Variants in PLXNA4 observed in about 807,000 individuals in gnomAD.
The protein encoded by PLXNA4 is plexin-A4.
A neutral mutation model predicts 191.8 loss-of-function variants in PLXNA4; 44 were observed. That is an observed-to-expected ratio of 0.23 (90% confidence interval 0.18 to 0.29). The LOEUF is 0.29. Ranked by LOEUF, PLXNA4 falls within the 10% of genes least tolerant of loss-of-function variation. The pLI is 1.00. For missense variants in PLXNA4, 1,800 were observed against 2,488.8 expected, an observed-to-expected ratio of 0.72 and a Z score of 5.89; for synonymous variants, 1,082 against 1,009.5, an observed-to-expected ratio of 1.07 and a Z score of -1.36.
At chr7:132,274,667 T>C (rs1185803981) in intron 4 of PLXNA4, among the ~76,000 whole-genome samples, 1 of 152,118 alleles carries the variant, frequency 6.6e-6, no homozygotes, top group East Asian at 1.9e-4. Flanking sequence ...AGAATGTCTG[T>C]CAATTTGGGA....
chr7:132,263,936 G>A (rs114425817), intron 4 of PLXNA4, among the ~76,000 whole-genome samples: 140 of 152,232 alleles, frequency 9.2e-4, no homozygotes, highest in African/African-American at 3.0e-3. Context: ...TTTAGAGTTC[G>A]CCTGTATCAA....
chr7:132,625,006 G>A (rs1207945712), intron 2 of PLXNA4, among the ~76,000 whole-genome samples: 1 of 152,180 alleles, frequency 6.6e-6, no homozygotes, highest in Non-Finnish European at 1.5e-5. Context: ...GGCCAATGCT[G>A]TGAATGCATT....
chr7:132,474,335 A>G (rs1585189012), intron 3 of PLXNA4, among the ~76,000 whole-genome samples: 4 of 152,010 alleles, frequency 2.6e-5, no homozygotes, highest in Admixed American at 1.3e-4. Flanking sequence ...TTTATCCTGT[A>G]GAGGCAACGT....
Position 132,149,549 on chromosome 7 carries a change from A to G in PLXNA4, c.4661-903T>C, listed in dbSNP as rs143415292. ...CATGTATGAGCTCACGCATCCACACATACCATTCTCATGGACATATACCAG... is the reference window on the plus strand; with the variant it reads ...CATGTATGAGCTCACGCATCCACACGTACCATTCTCATGGACATATACCAG... On this transcript the variant is annotated intron_variant, in intron 25 of 31. Transcript: ENST00000321063. Among the ~76,000 whole-genome samples the G allele has an allele frequency of 5.4e-3, 821 of 152,324 alleles. 7 individuals are homozygous for G. Among genetic ancestry groups the G allele is most frequent in the Middle Eastern group, 0.017 (5 of 294 alleles).
chr7:132,442,094 C>T (rs1795719893), intron 3 of PLXNA4, among the ~76,000 whole-genome samples: 1 of 152,174 alleles, frequency 6.6e-6, no homozygotes, highest in Non-Finnish European at 1.5e-5. Flanking sequence ...GGGAGGAGCC[C>T]CAAGCCCTTA....
intron 3 of PLXNA4, among the ~76,000 whole-genome samples, chr7:132,473,028 C>T (rs906709175): frequency 4.6e-5 from 7 of 152,168 alleles, no homozygotes; most frequent in Admixed American, 6.5e-5. Flanking sequence ...CAGGATGTTA[C>T]GTGGCAGAGT....
chr7:132,631,180 T>A (rs1205646026), intron 2 of PLXNA4, among the ~76,000 whole-genome samples: 1 of 152,258 alleles, frequency 6.6e-6, no homozygotes, highest in Non-Finnish European at 1.5e-5. Context: ...AATATAAGAA[T>A]ATTATTTTAA....
intron 3 of PLXNA4, among the ~76,000 whole-genome samples, chr7:132,477,061 T>C (rs1369346022): frequency 1.3e-5 from 2 of 152,216 alleles, no homozygotes; most frequent in Non-Finnish European, 2.9e-5. Context: ...TTTTTGCACA[T>C]CTTCTCCAAT....
intron 13 of PLXNA4, among the ~76,000 whole-genome samples, chr7:132,196,403 C>T (rs1453812219): frequency 1.3e-5 from 2 of 152,200 alleles, no homozygotes; most frequent in South Asian, 2.1e-4. Flanking sequence ...GTTCCAAGAA[C>T]CTGTGTTCTC....
chr7:132,169,472 A>T (rs904026116), intron 21 of PLXNA4, among the ~76,000 whole-genome samples: 2 of 152,194 alleles, frequency 1.3e-5, no homozygotes, highest in Admixed American at 1.3e-4. Context: ...CAGGTGGAGG[A>T]ATTGTGGTGT....
At chr7:132,628,348 C>G (rs539491326) in intron 2 of PLXNA4, among the ~76,000 whole-genome samples, 39 of 152,156 alleles carry the variant, frequency 2.6e-4, no homozygotes, top group African/African-American at 9.2e-4. Flanking sequence ...CTGTCTCTCT[C>G]TCGCTCTCTC....
intron 4 of PLXNA4, among the ~76,000 whole-genome samples, chr7:132,287,282 C>T (rs979731588): frequency 1.3e-5 from 2 of 152,110 alleles, no homozygotes; most frequent in Non-Finnish European, 2.9e-5. Flanking sequence ...GCAATCTGCC[C>T]GCCTTGGTCT....
intron 25 of PLXNA4, among the ~76,000 whole-genome samples, chr7:132,150,902 AC>A (rs1795577005): frequency 6.6e-6 from 1 of 152,072 alleles, no homozygotes; most frequent in African/African-American, 2.4e-5. Context: ...ATACTCAACA[AC>A]CCTGGCTGAG....
chr7:132,505,505 A>C (rs1223342998), intron 2 of PLXNA4, among the ~76,000 whole-genome samples: 1 of 152,212 alleles, frequency 6.6e-6, no homozygotes, highest in Admixed American at 6.5e-5. Flanking sequence ...TGCACAGTAT[A>C]AACTTGCCGT....
rs76541462 is a variant in PLXNA4, at chr7:132,331,712, C to T, written c.1372-33490G>A. Among the ~76,000 whole-genome samples, 575 of 152,314 alleles carry T rather than the reference C, an allele frequency of 3.8e-3. 3 individuals are homozygous for T. The highest frequency in any genetic ancestry group is 0.02 in the Middle Eastern group (6 of 294). On this transcript the variant is annotated intron_variant, in intron 3 of 31. Transcript: ENST00000321063. ...CTCGGGCTTTCCTTCCAGGCCACCT[C>T]TCCAGGGGTCCCAAAGCACCAGCCC...
chr7:132,399,026 G>A (rs1326115770), intron 3 of PLXNA4, among the ~76,000 whole-genome samples: 1 of 152,170 alleles, frequency 6.6e-6, no homozygotes, highest in East Asian at 1.9e-4. Flanking sequence ...CCACAGGGCT[G>A]GATAAGGGTT....
In PLXNA4 at chr7:132,185,475, G is replaced by C; in HGVS notation, c.2994-12C>G. 1.2e-6 allele frequency: 2 copies of C among 1,608,210 alleles called. No individual in the cohort carries two copies. The highest frequency in any genetic ancestry group is 1.7e-6 in the Non-Finnish European group (2 of 1,177,408). Reference sequence around the variant, plus strand: ...AGGATGGAGATCGCCTGGAGGGCAGGAAGACAGAGCACTGGGCGCCTGGTG... The same window carrying C: ...AGGATGGAGATCGCCTGGAGGGCAGCAAGACAGAGCACTGGGCGCCTGGTG... On this transcript the variant is annotated splice_polypyrimidine_tract_variant and intron_variant, in intron 15 of 31. Transcript: ENST00000321063.
At position 132,126,539 on chromosome 7, in the gene PLXNA4, G is replaced by A. The variant is rs281896; in HGVS notation, c.*3940C>T. ...AGGGACCTGGTTGCATGGGGGAGGTGGAGATGCTGGGCCAGTACATCAACC... is the reference window on the plus strand; with the variant it reads ...AGGGACCTGGTTGCATGGGGGAGGTAGAGATGCTGGGCCAGTACATCAACC... On this transcript the variant is annotated 3_prime_UTR_variant, in exon 32 of 32. Transcript: ENST00000321063. 0.083 allele frequency: 12,577 copies of A among 151,652 alleles called. 1,751 individuals are homozygous for A. Among genetic ancestry groups the A allele is most frequent in the African/African-American group, 0.29 (11,927 of 41,396 alleles). The allele number at this position is 151,652 out of a possible 1,614,324, so 9.4% of individuals were successfully genotyped here. A position where few individuals can be genotyped will look rare whatever the true frequency, so the allele number is the denominator to read the frequency against.
At chr7:132,356,731 A>C (rs1803723532) in intron 3 of PLXNA4, among the ~76,000 whole-genome samples, 1 of 152,244 alleles carries the variant, frequency 6.6e-6, no homozygotes, top group Admixed American at 6.5e-5. Flanking sequence ...AGTTCTGAGA[A>C]GTCCAGGGGA....
Sources: allele counts gnomAD v4.1 joint callset (sites outside exome capture counted in the v4.1 genomes callset), GRCh38; gene constraint gnomAD v4.1.1; transcripts MANE v1.5; gene names NCBI Gene and HGNC (gene_info 2026-07-23, HGNC 2026-07-21).